Variants in CAB39L observed in about 807,000 individuals in gnomAD.
The protein encoded by CAB39L is calcium binding protein 39 like, also known as calcium-binding protein 39-like.
CAB39L carries 23 observed loss-of-function variants against 39.1 expected under a neutral mutation model. The observed-to-expected ratio is 0.59, with a 90% CI of 0.42 to 0.83. The LOEUF (loss-of-function observed/expected upper bound fraction) is 0.83, where lower values mean the gene tolerates loss of function less well. Ranked by LOEUF, CAB39L falls within the 40% of genes least tolerant of loss-of-function variation. The pLI is 0.00. For synonymous variants in CAB39L, 126 were observed against 137.2 expected (o/e 0.92, Z 0.57); for missense variants, 366 against 391.9 (o/e 0.93, Z 0.56).
intron 5 of CAB39L, among the ~76,000 whole-genome samples, chr13:49,360,736 G>C (rs1451136262): frequency 6.6e-6 from 1 of 152,098 alleles, no homozygotes; most frequent in Admixed American, 6.6e-5. Context: ...CCCTCATGCT[G>C]TTCTCATGAT....
chr13:49,392,233 T>C (rs1038345945), intron 3 of CAB39L, among the ~76,000 whole-genome samples: 3 of 152,152 alleles, frequency 2.0e-5, no homozygotes, highest in Non-Finnish European at 2.9e-5. Flanking sequence ...CCAATTACCC[T>C]TGCAAATTTA....
At chr13:49,425,266 T>C (rs192597563) in intron 3 of CAB39L, among the ~76,000 whole-genome samples, 52 of 152,188 alleles carry the variant, frequency 3.4e-4, no homozygotes, top group Non-Finnish European at 4.7e-4. Context: ...ACAATTTCAA[T>C]ATTGAAAACT....
intron 3 of CAB39L, among the ~76,000 whole-genome samples, chr13:49,405,719 G>GAGAGGAAGGAAGGAAGGAAGGAAGGA (rs1220698718): frequency 1.4e-3 from 130 of 95,036 alleles, no homozygotes; most frequent in South Asian, 5.4e-3. Context: ...GAAAGAGAGA[G>GAGAGGAAGGAAGGAAGGAAGGAAGGA]AGGAAGGAAG....
At chr13:49,413,194 A>G (rs1429175525) in intron 3 of CAB39L, among the ~76,000 whole-genome samples, 2 of 152,212 alleles carry the variant, frequency 1.3e-5, no homozygotes, top group Non-Finnish European at 2.9e-5. Flanking sequence ...AGAAAATACA[A>G]AAGGAAGAAG....
At chr13:49,429,468 C>T (rs538140392) in intron 3 of CAB39L, among the ~76,000 whole-genome samples, 1 of 152,252 alleles carries the variant, frequency 6.6e-6, no homozygotes, top group African/African-American at 2.4e-5. Flanking sequence ...AGGTTATTTC[C>T]CATTTGTCAC....
intron 3 of CAB39L, among the ~76,000 whole-genome samples, chr13:49,431,888 A>G (rs1392929887): frequency 2.0e-5 from 3 of 151,934 alleles, no homozygotes; most frequent in Non-Finnish European, 4.4e-5. Context: ...ATTCATCTCC[A>G]TCTACACAGC....
chr13:49,350,025 G>A (rs1321402814), intron 7 of CAB39L, among the ~76,000 whole-genome samples: 1 of 152,032 alleles, frequency 6.6e-6, no homozygotes, highest in Non-Finnish European at 1.5e-5. Context: ...TAAAATGATT[G>A]TCAGGGGCTG....
chr13:49,421,801 A>G (rs919199904), intron 3 of CAB39L, among the ~76,000 whole-genome samples: 3 of 152,100 alleles, frequency 2.0e-5, no homozygotes, highest in African/African-American at 7.2e-5. Context: ...GAGAGAACCA[A>G]GCCCCTCTGG....
intron 7 of CAB39L, among the ~76,000 whole-genome samples, chr13:49,348,161 A>C (rs1439121904): frequency 6.6e-6 from 1 of 151,996 alleles, no homozygotes; most frequent in East Asian, 1.9e-4. Flanking sequence ...TGTTTGTTGC[A>C]GTTTTGCCTG....
At chr13:49,320,538 C>T (rs1954309595) in intron 10 of CAB39L, among the ~76,000 whole-genome samples, 1 of 152,202 alleles carries the variant, frequency 6.6e-6, no homozygotes, top group Non-Finnish European at 1.5e-5. Context: ...CTACATCTTA[C>T]ACACATATCC....
chr13:49,337,174 C>T (rs1393715845), intron 9 of CAB39L, among the ~76,000 whole-genome samples: 2 of 152,122 alleles, frequency 1.3e-5, no homozygotes, highest in African/African-American at 4.8e-5. Flanking sequence ...AAATTATACT[C>T]CAAATTTAGA....
At chr13:49,333,898 C>G (rs1253781309) in intron 9 of CAB39L, among the ~76,000 whole-genome samples, 2 of 152,070 alleles carry the variant, frequency 1.3e-5, no homozygotes, top group East Asian at 1.9e-4. Context: ...TAACTGCCCA[C>G]TGGGCAGTCG....
At chr13:49,342,710 T>C (rs1955039743) in intron 8 of CAB39L, among the ~76,000 whole-genome samples, 1 of 152,200 alleles carries the variant, frequency 6.6e-6, no homozygotes. Flanking sequence ...TTTAGATGCA[T>C]GCTGTCCAAC....
intron 5 of CAB39L, among the ~76,000 whole-genome samples, chr13:49,371,642 G>A (rs964247635): frequency 6.6e-6 from 1 of 152,008 alleles, no homozygotes; most frequent in African/African-American, 2.4e-5. Flanking sequence ...TATTACCCAG[G>A]CTGGAGTGCA....
At position 49,406,333 on chromosome 13, in the gene CAB39L, A is replaced by ATTTT. The variant is rs34078174; in HGVS notation, c.-31-23396_-31-23393dup. Among the ~76,000 whole-genome samples the ATTTT allele has an allele frequency of 2.0e-4, 18 of 90,624 alleles. 1 individual carries two copies. The highest frequency in any genetic ancestry group is 6.6e-4 in the South Asian group (2 of 3,026). 59.5% of individuals were successfully genotyped at this position (90,624 alleles called of 152,430 possible). ...CAGGCATCCGCCACCATGCCCAGCT[A>ATTTT]TTTTTTTTTTTTTTTTTTTTGTATT... On this transcript the variant is annotated intron_variant, in intron 3 of 10. Transcript: ENST00000409308.
chr13:49,399,024 A>G (rs965818016), intron 3 of CAB39L, among the ~76,000 whole-genome samples: 1 of 152,034 alleles, frequency 6.6e-6, no homozygotes, highest in Admixed American at 6.6e-5. Context: ...TTCACATCTC[A>G]CAATTCAGTC....
intron 7 of CAB39L, 115 bp downstream of exon 7, chr13:49,350,629 G>A (rs1358580736): frequency 6.2e-6 from 4 of 649,560 alleles, no homozygotes; most frequent in Non-Finnish European, 1.0e-5. Context: ...CATCATACAT[G>A]GTTGGCTACA....
At chr13:49,381,852 G>T (rs1956259225) in intron 4 of CAB39L, among the ~76,000 whole-genome samples, 1 of 152,296 alleles carries the variant, frequency 6.6e-6, no homozygotes, top group Admixed American at 6.5e-5. Flanking sequence ...GTGCAGATGT[G>T]CAAGAATACC....
chr13:49,386,922 G>A (rs1272156873), intron 3 of CAB39L, among the ~76,000 whole-genome samples: 1 of 151,880 alleles, frequency 6.6e-6, no homozygotes, highest in Non-Finnish European at 1.5e-5. Context: ...CTCACACTCT[G>A]GGCGACCATG....
Sources: allele counts gnomAD v4.1 joint callset (sites outside exome capture counted in the v4.1 genomes callset), GRCh38; gene constraint gnomAD v4.1.1; transcripts MANE v1.5; gene names NCBI Gene and HGNC (gene_info 2026-07-23, HGNC 2026-07-21).